DPYSL2: variants seen among roughly 807,000 people sequenced by gnomAD.
DPYSL2 encodes dihydropyrimidinase like 2.
A neutral mutation model predicts 69.9 loss-of-function variants in DPYSL2; 13 were observed. That is an observed-to-expected ratio of 0.19 (90% confidence interval 0.12 to 0.30). DPYSL2 has a LOEUF of 0.30. DPYSL2 is among the 10% of genes least tolerant of loss of function. The pLI, the probability that DPYSL2 is intolerant of heterozygous loss-of-function variation, is 1.00. For missense variants in DPYSL2, 587 were observed against 918.9 expected, an observed-to-expected ratio of 0.64 and a Z score of 4.67; for synonymous variants, 326 against 359.1, an observed-to-expected ratio of 0.91 and a Z score of 1.04.
At position 26,626,633 on chromosome 8, in the gene DPYSL2, C is replaced by G; in HGVS notation, c.810C>G (p.Leu270=). 11 of 1,614,168 alleles carry G rather than the reference C, an allele frequency of 6.8e-6. No individual in the cohort carries two copies. Among genetic ancestry groups the G allele is most frequent in the Non-Finnish European group, 9.3e-6 (11 of 1,180,038 alleles). Residue 270 remains leucine (L), a synonymous_variant, in exon 5 of 14, where the codon CTC becomes CTG. Transcript: ENST00000521913. This position sits in a 1 kb window ranked among gnomAD's most constrained non-coding sequence, Gnocchi z 4.3. The stretch of plus-strand genomic sequence containing the variant: ...CCGCACTAGGGGTAAATTCCTTCCT[C>G]GTGTACATGGCTTTCAAAGATCGCT... ...LVKDHGVNSF[L]VYMAFKDRFQ...
In DPYSL2 at chr8:26,533,559, G is replaced by A. The variant is rs182730366; in HGVS notation, c.354+18880G>A. On this transcript the variant is annotated intron_variant, in intron 1 of 13. Transcript: ENST00000521913. This position sits in a 1 kb window ranked among gnomAD's most constrained non-coding sequence, Gnocchi z 4.8. The stretch of plus-strand genomic sequence containing the variant: ...TTTTTCTATGTGGTATGAGACAGGG[G>A]TCTAACTTCATTATTTTGCCTGTGG... 6.6e-6 allele frequency among the ~76,000 whole-genome samples: 1 copy of A among 152,176 alleles called. No individual in the cohort carries two copies. Among genetic ancestry groups the A allele is most frequent in the Non-Finnish European group, 1.5e-5 (1 of 68,030 alleles).
rs1485506172 is a variant in DPYSL2 at position 26,585,625 on chromosome 8, T to A, written c.628+1642T>A. On this transcript the variant is annotated intron_variant, in intron 3 of 13. Coordinates refer to ENST00000521913, the MANE Select transcript of DPYSL2 (RefSeq NM_001197293.3). This position sits in a 1 kb window ranked among gnomAD's most constrained non-coding sequence, Gnocchi z 4.0. ...ACCTTGTCATTTGCTGGGGAATCAC[T>A]GGCACCTGTGGGCGTTTCTGCCTCT... Among the ~76,000 whole-genome samples, 1 of 152,160 alleles carries A rather than the reference T, an allele frequency of 6.6e-6. No individual in the cohort carries two copies. Among genetic ancestry groups the A allele is most frequent in the Non-Finnish European group, 1.5e-5 (1 of 68,006 alleles).
At chr8:26,636,886 G>A (rs917019232) in intron 8 of DPYSL2, among the ~76,000 whole-genome samples, 7 of 151,764 alleles carry the variant, frequency 4.6e-5, no homozygotes, top group Non-Finnish European at 7.4e-5. Flanking sequence ...GATTACAGGC[G>A]CCCCCCCATC....
At chr8:26,542,627 C>T (rs1315562944) in intron 1 of DPYSL2, among the ~76,000 whole-genome samples, 1 of 152,082 alleles carries the variant, frequency 6.6e-6, no homozygotes, top group Non-Finnish European at 1.5e-5. Flanking sequence ...GGGTCTCACT[C>T]TGTTTCTCAG....
intron 1 of DPYSL2, among the ~76,000 whole-genome samples, chr8:26,568,200 G>A (rs995176911): frequency 6.6e-6 from 1 of 152,328 alleles, no homozygotes. Context: ...CCAGAAGCTG[G>A]AGGGAGACCA....
chr8:26,543,390 A>C (rs1461232664), intron 1 of DPYSL2, among the ~76,000 whole-genome samples: 1 of 152,002 alleles, frequency 6.6e-6, no homozygotes, highest in Non-Finnish European at 1.5e-5. Flanking sequence ...CCTGATATAC[A>C]CTGCTCAGGG....
chr8:26,600,240 G>A (rs549227184), intron 3 of DPYSL2, among the ~76,000 whole-genome samples: 1 of 152,326 alleles, frequency 6.6e-6, no homozygotes, highest in African/African-American at 2.4e-5. Flanking sequence ...GCATTTGCGT[G>A]GGCGTGTGTT....
In DPYSL2 at chr8:26,612,865, C is replaced by G. The variant is rs1046353620; in HGVS notation, c.629-11278C>G. The stretch of plus-strand genomic sequence containing the variant: ...TCCCAGTTTGGGGTTTGAGCTCCCA[C>G]ATTCTGTCTGCACAGCAGCAGGCAA... On this transcript the variant is annotated intron_variant, in intron 3 of 13. Transcript: ENST00000521913. 2.6e-5 allele frequency among the ~76,000 whole-genome samples: 4 copies of G among 152,352 alleles called. No homozygotes were observed. In the East Asian group the frequency reaches 7.7e-4, roughly 29 times the overall value.
intron 1 of DPYSL2, among the ~76,000 whole-genome samples, chr8:26,539,023 G>C (rs1435563342): frequency 6.6e-6 from 1 of 152,144 alleles, no homozygotes. Flanking sequence ...CCCAGTGTCT[G>C]TTGTTCCCAT....
rs541935496 is a variant in DPYSL2 at position 26,617,742 on chromosome 8, C to T, written c.629-6401C>T. Among the ~76,000 whole-genome samples, 3 of 152,128 alleles carry T rather than the reference C, an allele frequency of 2.0e-5. No homozygotes were observed. The highest frequency in any genetic ancestry group is 7.2e-5 in the African/African-American group (3 of 41,412). On this transcript the variant is annotated intron_variant, in intron 3 of 13. Coordinates refer to ENST00000521913, the MANE Select transcript of DPYSL2 (RefSeq NM_001197293.3). The surrounding 1 kb of genome is among the most constrained non-coding windows in gnomAD (Gnocchi z 4.7). ...GATGCCAAGTGAAAGCAGACAGACG[C>T]ACAAGACTACATCTTTTATGATTCC...
chr8:26,618,593 A>G (rs549159341), intron 3 of DPYSL2, among the ~76,000 whole-genome samples: 7 of 147,110 alleles, frequency 4.8e-5, no homozygotes, highest in Admixed American at 1.4e-4. Context: ...TGCTGAGATT[A>G]CAGGTGTGAG....
At chr8:26,602,878 G>T (rs970164950) in intron 3 of DPYSL2, among the ~76,000 whole-genome samples, 2 of 152,218 alleles carry the variant, frequency 1.3e-5, no homozygotes, top group African/African-American at 4.8e-5. Flanking sequence ...ATCTGCCTGG[G>T]AGAGCCAAGA....
Position 26,514,482 on chromosome 8 carries a change from G to A in DPYSL2, c.157G>A (p.Asp53Asn). 6.5e-7 allele frequency: 1 copy of A among 1,528,696 alleles called. No individual in the cohort carries two copies. The highest frequency in any genetic ancestry group is 2.5e-5 in the East Asian group (1 of 40,184). 94.7% of individuals were successfully genotyped at this position (1,528,696 alleles called of 1,614,324 possible). A position where few individuals can be genotyped will look rare whatever the true frequency, so the allele number is the denominator to read the frequency against. Residue 53 changes from aspartate to asparagine, a missense_variant, in exon 1 of 14, where the codon GAC becomes AAC. Coordinates refer to ENST00000521913, the MANE Select transcript of DPYSL2 (RefSeq NM_001197293.3). This position sits in a 1 kb window ranked among gnomAD's most constrained non-coding sequence, Gnocchi z 8.4. ...GSSENKTIDF[D>N]SLSVGRGSGQ... Reference sequence around the variant, plus strand: ...CTCGGAGAACAAGACCATCGACTTCGACTCGCTGTCGGTGGGCCGGGGCTC... The same window carrying A: ...CTCGGAGAACAAGACCATCGACTTCAACTCGCTGTCGGTGGGCCGGGGCTC...
chr8:26,592,584 TCCTGTCTCAG>T (rs1801763960), intron 3 of DPYSL2, among the ~76,000 whole-genome samples: 1 of 151,524 alleles, frequency 6.6e-6, no homozygotes, highest in Admixed American at 6.6e-5. Context: ...CAAGCCATTC[TCCTGTCTCAG>T]CCTCTCAAGT....
chr8:26,622,077 CTT>C (rs1381603892), intron 3 of DPYSL2, among the ~76,000 whole-genome samples: 1 of 129,458 alleles, frequency 7.7e-6, no homozygotes. Flanking sequence ...TCTTTTTTTT[CTT>C]TCTTTCTTTC....
rs910086087 is a variant in DPYSL2, at chr8:26,648,285, T to C, written c.1596+485T>C. On this transcript the variant is annotated intron_variant, in intron 11 of 13. Transcript: ENST00000521913. The surrounding 1 kb of genome is among the most constrained non-coding windows in gnomAD (Gnocchi z 4.3). ...AGCCATTCTTATTATCTTAAAGGAA[T>C]TGATTGACTGACTTCTCCCTAACAG... Among the ~76,000 whole-genome samples the C allele has an allele frequency of 1.3e-5, 2 of 152,186 alleles. No individual in the cohort carries two copies. The highest frequency in any genetic ancestry group is 2.9e-5 in the Non-Finnish European group (2 of 68,032).
In DPYSL2 at chr8:26,592,760, T is replaced by A. The variant is rs550480487; in HGVS notation, c.628+8777T>A. ...CCAAAGTGCTGGGATTACAGGCATG[T>A]CCCACTGTGCCCGGCCGGTACATTA... On this transcript the variant is annotated intron_variant, in intron 3 of 13. Coordinates refer to ENST00000521913, the MANE Select transcript of DPYSL2 (RefSeq NM_001197293.3). Among the ~76,000 whole-genome samples the A allele has an allele frequency of 3.1e-4, 47 of 152,190 alleles. No individual in the cohort carries two copies. In the South Asian group the frequency reaches 7.3e-3, roughly 24 times the overall value.
Position 26,514,797 on chromosome 8 carries a change from T to G in DPYSL2, c.354+118T>G, listed in dbSNP as rs1005501747. ...CGCCCTGGACCTCGCCTCCCGCATC[T>G]GCACGCGCACCCCGCCCTACCCGCC... On this transcript the variant is annotated intron_variant, in intron 1 of 13. Transcript: ENST00000521913. The surrounding 1 kb of genome is among the most constrained non-coding windows in gnomAD (Gnocchi z 8.4). The G allele has an allele frequency of 9.9e-5, 92 of 927,592 alleles. No homozygotes were observed. The highest frequency in any genetic ancestry group is 1.3e-4 in the Non-Finnish European group (89 of 674,552). The allele number at this position is 927,592 out of a possible 1,614,324, so 57.5% of individuals were successfully genotyped here.
At chr8:26,633,553 C>T (rs540201501) in intron 7 of DPYSL2, among the ~76,000 whole-genome samples, 50 of 152,264 alleles carry the variant, frequency 3.3e-4, no homozygotes, top group African/African-American at 1.0e-3. Flanking sequence ...CTGCAACCTC[C>T]GCCTCCTGGG....
Sources: allele counts gnomAD v4.1 joint callset (sites outside exome capture counted in the v4.1 genomes callset), GRCh38; gene constraint gnomAD v4.1.1; non-coding constraint Gnocchi (gnomAD v3.1); transcripts MANE v1.5; gene names NCBI Gene and HGNC (gene_info 2026-07-23, HGNC 2026-07-21).